The following MGAT5 variants were observed in gnomAD, a reference collection of about 807,000 sequenced individuals.
The protein encoded by MGAT5 is alpha-1,6-mannosylglycoprotein 6-beta-N-acetylglucosaminyltransferase A.
Under a neutral mutation model 94.3 loss-of-function variants are expected in MGAT5, and 30 were observed. The observed-to-expected ratio is 0.32, with a 90% CI of 0.24 to 0.43. The LOEUF is 0.43. Ranked by LOEUF, MGAT5 falls within the 20% of genes least tolerant of loss-of-function variation. MGAT5 has a pLI of 1.00. For synonymous variants in MGAT5, 310 were observed against 322.9 expected (o/e 0.96, Z 0.43); for missense variants, 691 against 905.5 (o/e 0.76, Z 3.04).
intron 1 of MGAT5, among the ~76,000 whole-genome samples, chr2:134,130,776 A>G (rs1360139280): frequency 1.3e-5 from 2 of 151,986 alleles, no homozygotes; most frequent in Non-Finnish European, 2.9e-5. Flanking sequence ...TGCACCAATC[A>G]GCACTCTGTG....
rs545269993 is a variant in MGAT5, at chr2:134,268,145, C to T, written c.242-2241C>T. ...ACAGTCACCACGACAAAGAATTACC[C>T]GGCCCAAAGTGTCAGTAGTGCCGAG... On this transcript the variant is annotated intron_variant, in intron 1 of 15. Coordinates refer to ENST00000281923, the MANE Select transcript of MGAT5 (RefSeq NM_002410.5). This position sits in a 1 kb window ranked among gnomAD's most constrained non-coding sequence, Gnocchi z 4.1. 2.7e-4 allele frequency among the ~76,000 whole-genome samples: 41 copies of T among 152,312 alleles called. No individual in the cohort carries two copies. Among genetic ancestry groups the T allele is most frequent in the African/African-American group, 9.1e-4 (38 of 41,568 alleles).
chr2:134,397,639 G>T (rs530151397), intron 10 of MGAT5, among the ~76,000 whole-genome samples: 1 of 152,280 alleles, frequency 6.6e-6, no homozygotes, highest in Non-Finnish European at 1.5e-5. Flanking sequence ...CCCATCCCAT[G>T]GTAAGCTTAT....
At chr2:134,396,884 C>T (rs984645016) in intron 10 of MGAT5, among the ~76,000 whole-genome samples, 1 of 152,240 alleles carries the variant, frequency 6.6e-6, no homozygotes, top group Non-Finnish European at 1.5e-5. Context: ...CAGCATTGAC[C>T]TTCACCTGGG....
In MGAT5 at chr2:134,268,990, A is replaced by G. The variant is rs1218899270; in HGVS notation, c.242-1396A>G. ...CAGGGAATTAAGCAGTCCTGAGGCAAGCCCTCATTTTATCAGCTCATTATT... is the reference window on the plus strand; with the variant it reads ...CAGGGAATTAAGCAGTCCTGAGGCAGGCCCTCATTTTATCAGCTCATTATT... On this transcript the variant is annotated intron_variant, in intron 1 of 15. Coordinates refer to ENST00000281923, the MANE Select transcript of MGAT5 (RefSeq NM_002410.5). This position sits in a 1 kb window ranked among gnomAD's most constrained non-coding sequence, Gnocchi z 4.1. Among the ~76,000 whole-genome samples, 2 of 152,238 alleles carry G rather than the reference A, an allele frequency of 1.3e-5. No individual in the cohort carries two copies. Among genetic ancestry groups the G allele is most frequent in the African/African-American group, 4.8e-5 (2 of 41,458 alleles).
At chr2:134,355,845 A>G (rs1679699166) in intron 9 of MGAT5, among the ~76,000 whole-genome samples, 1 of 152,108 alleles carries the variant, frequency 6.6e-6, no homozygotes, top group Non-Finnish European at 1.5e-5. Flanking sequence ...CTTTCCCTAG[A>G]GTTGATGGCT....
At chr2:134,159,811 G>A (rs534740739) in intron 1 of MGAT5, among the ~76,000 whole-genome samples, 60 of 152,034 alleles carry the variant, frequency 3.9e-4, no homozygotes, top group Middle Eastern at 6.8e-3. Context: ...CTCAATAGTG[G>A]GGGTATGATA....
At chr2:134,157,216 T>G (rs1423048048) in intron 1 of MGAT5, among the ~76,000 whole-genome samples, 1 of 152,218 alleles carries the variant, frequency 6.6e-6, no homozygotes, top group Admixed American at 6.5e-5. Context: ...AATAGTATCA[T>G]GCCAATGTTA....
At chr2:134,189,525 T>A (rs995017354) in intron 1 of MGAT5, among the ~76,000 whole-genome samples, 2 of 151,808 alleles carry the variant, frequency 1.3e-5, no homozygotes, top group African/African-American at 4.8e-5. Context: ...TTGGTGCTGC[T>A]GCTCTAATCC....
At chr2:134,366,968 A>C (rs1680472637) in intron 10 of MGAT5, among the ~76,000 whole-genome samples, 1 of 152,166 alleles carries the variant, frequency 6.6e-6, no homozygotes, top group Non-Finnish European at 1.5e-5. Context: ...AGACCTTGCT[A>C]CTTCTAATCT....
At chr2:134,132,481 T>C (rs1244047344) in intron 1 of MGAT5, among the ~76,000 whole-genome samples, 1 of 152,254 alleles carries the variant, frequency 6.6e-6, no homozygotes, top group African/African-American at 2.4e-5. Flanking sequence ...TATTTCATTG[T>C]CTTAAAAAAT....
At chr2:134,372,267 C>T (rs922509831) in intron 10 of MGAT5, among the ~76,000 whole-genome samples, 5 of 152,214 alleles carry the variant, frequency 3.3e-5, no homozygotes, top group East Asian at 3.8e-4. Flanking sequence ...TCCAGTGCTC[C>T]GGGCCTTTGC....
At chr2:134,333,615 GGGGCTCACCTTGGGGTCCAGCTTT>G (rs1688140286) in intron 4 of MGAT5, among the ~76,000 whole-genome samples, 1 of 151,972 alleles carries the variant, frequency 6.6e-6, no homozygotes, top group Admixed American at 6.6e-5. Context: ...AGAAGGTGGT[GGGGCTCACCTTGGGGTCCAGCTTT>G]ATTGGTAGCA....
intron 2 of MGAT5, among the ~76,000 whole-genome samples, chr2:134,299,677 C>A (rs528466127): frequency 6.6e-6 from 1 of 152,152 alleles, no homozygotes; most frequent in Non-Finnish European, 1.5e-5. Context: ...ATCCCCTGTC[C>A]CCTCTTTTAT....
rs114308885 is a variant in MGAT5, at chr2:134,393,633, G to T, written c.1381-9355G>T. On this transcript the variant is annotated intron_variant, in intron 10 of 15. Coordinates refer to ENST00000281923, the MANE Select transcript of MGAT5 (RefSeq NM_002410.5). ...TGGCTGTCCTGGTGTCCCCAGAGAG[G>T]TGCCTTTTATTATCTATTGGGGCTT... Among the ~76,000 whole-genome samples the T allele has an allele frequency of 5.4e-3, 823 of 152,238 alleles. 9 individuals carry two copies. Among genetic ancestry groups the T allele is most frequent in the African/African-American group, 0.019 (788 of 41,518 alleles).
upstream of MGAT5, among the ~76,000 whole-genome samples, chr2:134,251,158 C>T (rs1458784024): frequency 6.6e-6 from 1 of 151,394 alleles, no homozygotes; most frequent in Non-Finnish European, 1.5e-5. Flanking sequence ...TCCTTCAGCC[C>T]TGGTTCAAAA....
rs981908102 is a variant in MGAT5 at position 134,338,317 on chromosome 2, T to G, written c.704T>G (p.Phe235Cys). The G allele has an allele frequency of 6.2e-7, 1 of 1,613,218 alleles. No homozygotes were observed. Among genetic ancestry groups the G allele is most frequent in the Non-Finnish European group, 8.5e-7 (1 of 1,179,532 alleles). Residue 235 changes from phenylalanine to cysteine, a missense_variant, in exon 6 of 16, where the codon TTC becomes TGC. Phe to Cys is a radical substitution (Grantham distance 205). Around this residue, in one of 4 missense-constraint regions of MGAT5, gnomAD observed 307 missense variants for 335.4 expected, o/e 0.92. Transcript: ENST00000281923. ...LYSMMKKHEE[F>C]RWMRLRIRRM... ...AGTATGATGAAAAAGCATGAAGAAT[T>G]CCGGTGGATGAGACTACGGATCCGG...
chr2:134,336,505 G>A (rs1460926743), intron 5 of MGAT5, among the ~76,000 whole-genome samples: 2 of 152,068 alleles, frequency 1.3e-5, no homozygotes, highest in African/African-American at 4.8e-5. Context: ...CTGAATGATA[G>A]GCTACTGATA....
intron 10 of MGAT5, among the ~76,000 whole-genome samples, chr2:134,387,315 TATATATATATATATATA>T (rs1390503128): frequency 1.1e-4 from 5 of 45,586 alleles, no homozygotes; most frequent in East Asian, 9.2e-4. Flanking sequence ...TATATATATA[TATATATATATATATATA>T]TTTTTTTTTT....
chr2:134,142,387 G>T (rs542319861), intron 1 of MGAT5, among the ~76,000 whole-genome samples: 1 of 152,358 alleles, frequency 6.6e-6, no homozygotes, highest in African/African-American at 2.4e-5. Flanking sequence ...CCTGAGTGGA[G>T]CAGGCCTATG....
Sources: allele counts gnomAD v4.1 joint callset (sites outside exome capture counted in the v4.1 genomes callset), GRCh38; gene constraint gnomAD v4.1.1; regional missense constraint gnomAD v4.1.1; non-coding constraint Gnocchi (gnomAD v3.1); transcripts MANE v1.5; gene names NCBI Gene and HGNC (gene_info 2026-07-23, HGNC 2026-07-21).